The following ZMYND8 variants were observed in gnomAD, a reference collection of about 807,000 sequenced individuals.
ZMYND8 encodes zinc finger MYND-type containing 8, also known as MYND-type zinc finger-containing chromatin reader ZMYND8.
ZMYND8 carries 37 observed loss-of-function variants against 140.8 expected under a neutral mutation model. The ratio of observed to expected loss-of-function variants is 0.26; its 90% CI spans 0.20 to 0.35. The LOEUF (loss-of-function observed/expected upper bound fraction) is 0.35, where lower values mean the gene tolerates loss of function less well. Ranked by LOEUF, ZMYND8 falls within the 10% of genes least tolerant of loss-of-function variation. The pLI is 1.00. For synonymous variants in ZMYND8, 592 were observed against 597.1 expected (o/e 0.99, Z 0.12); for missense variants, 1,068 against 1,570.0 (o/e 0.68, Z 5.40).
chr20:47,232,170 G>A (rs976153670), intron 16 of ZMYND8, among the ~76,000 whole-genome samples: 2 of 152,116 alleles, frequency 1.3e-5, no homozygotes, highest in African/African-American at 2.4e-5. Context: ...TCAGGAGTTC[G>A]AGACCAGCCT....
intron 2 of ZMYND8, among the ~76,000 whole-genome samples, 184 bp from the exon 3 acceptor site, chr20:47,310,388 C>A (rs753050868): frequency 3.3e-5 from 5 of 152,178 alleles, no homozygotes; most frequent in Non-Finnish European, 7.3e-5. Context: ...CTTCAACAGT[C>A]AGACAAGTAT....
chr20:47,268,939 A>G (rs1227844315), intron 11 of ZMYND8, among the ~76,000 whole-genome samples: 7 of 152,068 alleles, frequency 4.6e-5, no homozygotes, highest in Admixed American at 4.6e-4. Flanking sequence ...AGTGGCTCAC[A>G]CCTGTAATCC....
chr20:47,338,278 C>T (rs773608008), intron 2 of ZMYND8, among the ~76,000 whole-genome samples: 5 of 152,102 alleles, frequency 3.3e-5, no homozygotes, highest in Middle Eastern at 3.2e-3. Context: ...GCCTGGACCT[C>T]CAGCCTTCCC....
chr20:47,224,708 C>CAGA (rs1167275192), intron 18 of ZMYND8, 152 bp from the exon 19 acceptor site: 3 of 1,372,254 alleles, frequency 2.2e-6, no homozygotes, highest in Non-Finnish European at 9.8e-7. Flanking sequence ...TAGCCCGAGT[C>CAGA]TTCATCTGTA....
intron 8 of ZMYND8, among the ~76,000 whole-genome samples, chr20:47,286,970 C>T (rs1362110865): frequency 6.6e-5 from 10 of 152,092 alleles, no homozygotes; most frequent in Non-Finnish European, 1.2e-4. Flanking sequence ...ACAGGAGGCC[C>T]GGTGCTTACT....
chr20:47,356,345 AAG>A (rs1556517804), intron 1 of ZMYND8: 3 of 1,461,360 alleles, frequency 2.1e-6, no homozygotes, highest in African/African-American at 2.9e-5. Flanking sequence ...AAAAAAAAAA[AAG>A]AAGGAAAAAA....
At chr20:47,215,161 T>C (rs746721399) in intron 21 of ZMYND8, among the ~76,000 whole-genome samples, 3 of 152,160 alleles carry the variant, frequency 2.0e-5, no homozygotes, top group Non-Finnish European at 4.4e-5. Flanking sequence ...TTGCCTGAGC[T>C]CAGGAGTTCG....
At chr20:47,230,842 T>C (rs1304899515) in intron 16 of ZMYND8, among the ~76,000 whole-genome samples, 1 of 152,106 alleles carries the variant, frequency 6.6e-6, no homozygotes, top group Non-Finnish European at 1.5e-5. Context: ...CACCTCCTGG[T>C]ATCCCATCCC....
intron 15 of ZMYND8, chr20:47,237,972 T>TTG (rs2039451201): frequency 1.3e-5 from 2 of 152,380 alleles, no homozygotes; most frequent in Non-Finnish European, 2.9e-5. Context: ...CTGGCTCATC[T>TTG]TGTGTGTGTG....
At chr20:47,221,887 G>A (rs1466942952) in intron 19 of ZMYND8, among the ~76,000 whole-genome samples, 3 of 152,154 alleles carry the variant, frequency 2.0e-5, no homozygotes, top group Non-Finnish European at 4.4e-5. Flanking sequence ...AGCTGGTATT[G>A]AACTCCTGAC....
chr20:47,338,428 G>GA (rs113022478), intron 2 of ZMYND8, among the ~76,000 whole-genome samples: 7,004 of 146,222 alleles, frequency 0.048, 554 homozygotes, highest in African/African-American at 0.16. Flanking sequence ...CAGGCTGGAG[G>GA]AAAAAAAAAA....
At chr20:47,297,620 T>A (rs544457265) in intron 4 of ZMYND8, among the ~76,000 whole-genome samples, 4 of 152,082 alleles carry the variant, frequency 2.6e-5, no homozygotes, top group Non-Finnish European at 4.4e-5. Context: ...GATGGGGGTC[T>A]CCCTATGTTG....
At chr20:47,227,474 A>C (rs2037861907) in intron 17 of ZMYND8, among the ~76,000 whole-genome samples, 193 bp from the exon 18 acceptor site, 1 of 152,248 alleles carries the variant, frequency 6.6e-6, no homozygotes, top group African/African-American at 2.4e-5. Flanking sequence ...AACCAAGTAT[A>C]AACAGGCCAT....
At position 47,238,740 on chromosome 20, in the gene ZMYND8, G is replaced by GA. The variant is rs548257159; in HGVS notation, c.2665+17dup. ...ATGGGAGCGGGCGCCACGGAGAACAGAAGGGGAGGCTCGGTACCTTTCACA... is the reference window on the plus strand; with the variant it reads ...ATGGGAGCGGGCGCCACGGAGAACAGAAAGGGGAGGCTCGGTACCTTTCACA... On this transcript the variant is annotated intron_variant, in intron 15 of 22. Transcript: ENST00000471951. 4 of 1,602,476 alleles carry GA rather than the reference G, an allele frequency of 2.5e-6. No homozygotes were observed. In the South Asian group the frequency reaches 4.4e-5, roughly 18 times the overall value.
intron 5 of ZMYND8, 113 bp downstream of exon 5, chr20:47,294,553 T>A (rs756969614): frequency 1.1e-6 from 1 of 910,632 alleles, no homozygotes; most frequent in African/African-American, 1.7e-5. Flanking sequence ...AATTTGGGGA[T>A]GCAAGGAGGC....
chr20:47,292,094 A>G (rs2147982093), intron 5 of ZMYND8, among the ~76,000 whole-genome samples: 1 of 152,268 alleles, frequency 6.6e-6, no homozygotes, highest in African/African-American at 2.4e-5. Flanking sequence ...CCCAATTGTG[A>G]TCCAATTTTA....
intron 2 of ZMYND8, among the ~76,000 whole-genome samples, chr20:47,324,075 G>A (rs911244824): frequency 1.3e-5 from 2 of 151,772 alleles, no homozygotes; most frequent in Non-Finnish European, 2.9e-5. Flanking sequence ...GGTGGAGGAC[G>A]CCTGTAATCC....
chr20:47,232,250 T>C (rs1427825184), intron 16 of ZMYND8, among the ~76,000 whole-genome samples: 1 of 152,162 alleles, frequency 6.6e-6, no homozygotes, highest in African/African-American at 2.4e-5. Context: ...TCAGGGCACC[T>C]GTAATCCCAC....
In ZMYND8 at chr20:47,263,813, C is replaced by CCG. The variant is rs2075317258; in HGVS notation, c.1481-1386_1481-1385insCG. ...AGGCTGCCGTGAGGATTAAATCAAT[C>CCG]ATCTGAACAGTGCCTGGCATGCAGT... On this transcript the variant is annotated intron_variant, in intron 11 of 22. Transcript: ENST00000471951. 2.6e-5 allele frequency among the ~76,000 whole-genome samples: 4 copies of CCG among 152,318 alleles called. No homozygotes were observed. The South Asian group carries it at 8.3e-4, about 32-fold the overall frequency.
Sources: allele counts gnomAD v4.1 joint callset (sites outside exome capture counted in the v4.1 genomes callset), GRCh38; gene constraint gnomAD v4.1.1; transcripts MANE v1.5; gene names NCBI Gene and HGNC (gene_info 2026-07-23, HGNC 2026-07-21).